PCDHGA7: variants seen among roughly 807,000 people sequenced by gnomAD.
The protein encoded by PCDHGA7 is protocadherin gamma subfamily A, 7.
A neutral mutation model predicts 58.3 loss-of-function variants in PCDHGA7; 44 were observed. The observed-to-expected ratio is 0.75, with a 90% CI of 0.59 to 0.97. The LOEUF is 0.97. Ranked by LOEUF, PCDHGA7 falls within the 50% of genes least tolerant of loss-of-function variation. The pLI is 0.00. For missense variants in PCDHGA7, 1,266 were observed against 1,188.7 expected (o/e 1.06, Z -0.96); for synonymous variants, 516 against 504.2 (o/e 1.02, Z -0.31).
chr5:141,509,785 C>T (rs1445220885), intron 3 of PCDHGA7, among the ~76,000 whole-genome samples: 1 of 152,166 alleles, frequency 6.6e-6, no homozygotes, highest in African/African-American at 2.4e-5. Context: ...CCGAGATCAT[C>T]ATCTCCTCAG....
At chr5:141,472,980 C>CAAAAAAAAAAAAAAAAAAAAAA (rs60579131) in intron 1 of PCDHGA7, among the ~76,000 whole-genome samples, 6 of 86,102 alleles carry the variant, frequency 7.0e-5, no homozygotes, top group African/African-American at 1.2e-4. Flanking sequence ...GAGTGAAACT[C>CAAAAAAAAAAAAAAAAAAAAAA]AAAAAAAAAA....
Position 141,432,098 on chromosome 5 carries a change from G to A in PCDHGA7, c.2424+46775G>A. 1.2e-6 allele frequency: 2 copies of A among 1,614,056 alleles called. No homozygotes were observed. Among genetic ancestry groups the A allele is most frequent in the Non-Finnish European group, 1.7e-6 (2 of 1,180,002 alleles). ...CTCGCTGAACGTGGCAGACACCAAC[G>A]ACAACCCGCCGGTCTTCCCTCAGGC... On this transcript the variant is annotated intron_variant, in intron 1 of 3. Transcript: ENST00000518325. The surrounding 1 kb of genome is among the most constrained non-coding windows in gnomAD (Gnocchi z 6.0).
Position 141,477,827 on chromosome 5 carries a change from C to T in PCDHGA7, c.2425-16980C>T, listed in dbSNP as rs2099419143. On this transcript the variant is annotated intron_variant, in intron 1 of 3. Coordinates refer to ENST00000518325, the MANE Select transcript of PCDHGA7 (RefSeq NM_018920.4). The surrounding 1 kb of genome is among the most constrained non-coding windows in gnomAD (Gnocchi z 4.9). ...CAATGCCCCCCAGGTCCTATATCCT[C>T]GGCCAGGTGGGAGCTCGGTGGAGAT... The T allele has an allele frequency of 1.2e-6, 2 of 1,614,038 alleles. No individual in the cohort carries two copies. Among genetic ancestry groups the T allele is most frequent in the African/African-American group, 1.3e-5 (1 of 74,928 alleles).
In PCDHGA7 at chr5:141,491,722, C is replaced by T. The variant is rs1276921909; in HGVS notation, c.2425-3085C>T. ...CCAGGTGAGGGGCTCGGCGCCGCCC[C>T]GGGCGACCCCTGGGGGCGGCACTGG... On this transcript the variant is annotated intron_variant, in intron 1 of 3. Coordinates refer to ENST00000518325, the MANE Select transcript of PCDHGA7 (RefSeq NM_018920.4). This position sits in a 1 kb window ranked among gnomAD's most constrained non-coding sequence, Gnocchi z 6.9. The T allele has an allele frequency of 6.2e-7, 1 of 1,607,004 alleles. No homozygotes were observed.
chr5:141,403,582 G>A (rs973617374), intron 1 of PCDHGA7: 1 of 1,613,910 alleles, frequency 6.2e-7, no homozygotes, highest in Non-Finnish European at 8.5e-7. Flanking sequence ...CCCACCACCT[G>A]GTCCTCACGG....
At chr5:141,507,798 GCCCT>G (rs2099863561) in intron 3 of PCDHGA7, among the ~76,000 whole-genome samples, 1 of 152,188 alleles carries the variant, frequency 6.6e-6, no homozygotes, top group Admixed American at 6.5e-5. Context: ...CTAAGCCTGC[GCCCT>G]GGGGAACGGA....
In PCDHGA7 at chr5:141,383,030, T is replaced by C. The variant is rs756178371; in HGVS notation, c.131T>C (p.Phe44Ser). 2 of 1,613,742 alleles carry C rather than the reference T, an allele frequency of 1.2e-6. No individual in the cohort carries two copies. Among genetic ancestry groups the C allele is most frequent in the Non-Finnish European group, 1.7e-6 (2 of 1,179,874 alleles). Reference protein sequence around the residue: ...SVSEETDKGSFVGDIAKDLGL... With the variant: ...SVSEETDKGSSVGDIAKDLGL... ...TCGGAGGAGACGGACAAAGGGTCCT[T>C]TGTGGGAGACATCGCCAAGGACCTG... The change falls in exon 1 of 4, where the codon TTT becomes TCT. Residue 44 changes from phenylalanine (F) to serine (S), a missense_variant. Phe to Ser is a radical substitution (Grantham distance 155). Coordinates refer to ENST00000518325, the MANE Select transcript of PCDHGA7 (RefSeq NM_018920.4).
chr5:141,395,213 T>C, intron 1 of PCDHGA7: 1 of 1,613,280 alleles, frequency 6.2e-7, no homozygotes, highest in Non-Finnish European at 8.5e-7. Flanking sequence ...TTCATGAATA[T>C]AAGAATGAAG....
chr5:141,473,497 C>T (rs2099323546), intron 1 of PCDHGA7, among the ~76,000 whole-genome samples: 1 of 152,106 alleles, frequency 6.6e-6, no homozygotes, highest in Non-Finnish European at 1.5e-5. Context: ...ATAAGGTGTT[C>T]TGAGAGAGCA....
In PCDHGA7 at chr5:141,491,789, T is replaced by G; in HGVS notation, c.2425-3018T>G. The G allele has an allele frequency of 6.6e-7, 1 of 1,525,854 alleles. No individual in the cohort carries two copies. Among genetic ancestry groups the G allele is most frequent in the Non-Finnish European group, 8.8e-7 (1 of 1,137,340 alleles). The allele number at this position is 1,525,854 out of a possible 1,614,324, so 94.5% of individuals were successfully genotyped here. ...CATAAGGGATTGAACTTGCATCCAC[T>G]CCTCTCCGGCCGGCTTGGTCGCTGG... On this transcript the variant is annotated intron_variant, in intron 1 of 3. Transcript: ENST00000518325. The surrounding 1 kb of genome is among the most constrained non-coding windows in gnomAD (Gnocchi z 6.9).
intron 1 of PCDHGA7, among the ~76,000 whole-genome samples, chr5:141,474,588 A>G (rs2099351676): frequency 6.6e-6 from 1 of 152,258 alleles, no homozygotes; most frequent in Non-Finnish European, 1.5e-5. Context: ...TGTTAAAGAC[A>G]TGGAAATATA....
chr5:141,413,645 C>T, intron 1 of PCDHGA7: 9 of 1,613,834 alleles, frequency 5.6e-6, no homozygotes, highest in Non-Finnish European at 7.6e-6. Context: ...ATGCGTTTTC[C>T]TCTCCCGGAA....
intron 1 of PCDHGA7, chr5:141,390,885 TGTGA>T (rs2092262333): frequency 6.5e-6 from 1 of 152,688 alleles, no homozygotes; most frequent in African/African-American, 2.4e-5. Flanking sequence ...TGTGTGTGTG[TGTGA>T]GAGAGATCCT....
chr5:141,423,117 G>T, intron 1 of PCDHGA7: 1 of 1,613,816 alleles, frequency 6.2e-7, no homozygotes, highest in Non-Finnish European at 8.5e-7. Flanking sequence ...TGCGTACAGC[G>T]CGGGCACTGC....
intron 1 of PCDHGA7, chr5:141,433,139 T>G: frequency 6.2e-7 from 1 of 1,614,068 alleles, no homozygotes; most frequent in Non-Finnish European, 8.5e-7. Context: ...CCTTTTGCTG[T>G]CAGGTGATTC....
intron 1 of PCDHGA7, chr5:141,393,238 T>A: frequency 1.2e-6 from 2 of 1,613,734 alleles, no homozygotes; most frequent in Non-Finnish European, 8.5e-7. Context: ...GAAGTAAAAA[T>A]TAACGAAATC....
At position 141,432,778 on chromosome 5, in the gene PCDHGA7, G is replaced by T; in HGVS notation, c.2424+47455G>T. The T allele has an allele frequency of 3.7e-6, 6 of 1,614,166 alleles. No individual in the cohort carries two copies. Among genetic ancestry groups the T allele is most frequent in the Non-Finnish European group, 5.1e-6 (6 of 1,180,002 alleles). ...CCGACAGCATCCCCCAAGTCCTGGCGGACCTCGGCAGCCTCGAGTCTCCAG... is the reference window on the plus strand; with the variant it reads ...CCGACAGCATCCCCCAAGTCCTGGCTGACCTCGGCAGCCTCGAGTCTCCAG... On this transcript the variant is annotated intron_variant, in intron 1 of 3. Transcript: ENST00000518325. The surrounding 1 kb of genome is among the most constrained non-coding windows in gnomAD (Gnocchi z 6.0).
At chr5:141,410,348 C>T (rs761119683) in intron 1 of PCDHGA7, 3 of 1,614,034 alleles carry the variant, frequency 1.9e-6, no homozygotes, top group East Asian at 2.2e-5. Context: ...CTTGCGCCTG[C>T]GACGCTCTCT....
chr5:141,430,639 A>T, intron 1 of PCDHGA7: 1 of 900,712 alleles, frequency 1.1e-6, no homozygotes. Flanking sequence ...CATCCCTGGG[A>T]GTATGTGGAA....
Sources: gnomAD v4.1 joint callset for allele counts (sites outside exome capture counted in the v4.1 genomes callset) on GRCh38, gnomAD v4.1.1 for gene constraint, Gnocchi (gnomAD v3.1) non-coding constraint, MANE v1.5 for transcripts, NCBI Gene and HGNC (gene_info 2026-07-23, HGNC 2026-07-21) for gene names.